Variants in LOC122539214 observed in about 807,000 individuals in gnomAD.
the LOC122539214 span, among the ~76,000 whole-genome samples, chr19:52,673,115 A>C: frequency 1.3e-5 from 2 of 152,206 alleles, no homozygotes; most frequent in Non-Finnish European, 2.9e-5. Context: ...AGACTGAGGC[A>C]TGAGAATCAC....
At chr19:52,655,734 AC>A in the LOC122539214 span, 11 of 773,300 alleles carry the variant, frequency 1.4e-5, no homozygotes, top group Admixed American at 2.3e-4. Context: ...AGGAGTCATT[AC>A]CTTCACACAA....
At chr19:52,684,372 TAATAA>T in the LOC122539214 span, among the ~76,000 whole-genome samples, 23 of 151,108 alleles carry the variant, frequency 1.5e-4, no homozygotes, top group Middle Eastern at 3.4e-3. Flanking sequence ...AAATAAAATA[TAATAA>T]AATAAAAATA....
chr19:52,689,397 C>T, the LOC122539214 span, among the ~76,000 whole-genome samples: 1,006 of 152,158 alleles, frequency 6.6e-3, 2 homozygotes, highest in African/African-American at 0.014. Context: ...ACCCTCATCC[C>T]CACTCTCTAG....
chr19:52,654,575 G>A, the LOC122539214 span, among the ~76,000 whole-genome samples: 2 of 152,122 alleles, frequency 1.3e-5, no homozygotes, highest in Non-Finnish European at 2.9e-5. Context: ...AAATTAGCCA[G>A]GCATGGTGGT....
the LOC122539214 span, among the ~76,000 whole-genome samples, chr19:52,669,001 C>A: frequency 1.3e-5 from 2 of 152,158 alleles, no homozygotes; most frequent in African/African-American, 2.4e-5. Flanking sequence ...AGGGAGGAAA[C>A]TTAACATTCC....
At chr19:52,689,244 A>C in the LOC122539214 span, among the ~76,000 whole-genome samples, 1 of 152,196 alleles carries the variant, frequency 6.6e-6, no homozygotes, top group Non-Finnish European at 1.5e-5. Flanking sequence ...CCACTGAGCC[A>C]GTGCGTACCT....
the LOC122539214 span, among the ~76,000 whole-genome samples, chr19:52,666,102 T>C: frequency 6.8e-6 from 1 of 147,664 alleles, no homozygotes; most frequent in Non-Finnish European, 1.5e-5. Context: ...AGGCGGAGCT[T>C]GCAGTGAGCC....
chr19:52,687,488 TAATTTATATAG>T, the LOC122539214 span, among the ~76,000 whole-genome samples: 1 of 61,128 alleles, frequency 1.6e-5, no homozygotes, highest in East Asian at 3.5e-4. Flanking sequence ...ATATAAATTA[TAATTTATATAG>T]ATATATAAAT....
the LOC122539214 span, among the ~76,000 whole-genome samples, chr19:52,681,694 ACC>A: frequency 6.6e-6 from 1 of 152,196 alleles, no homozygotes; most frequent in African/African-American, 2.4e-5. Flanking sequence ...TTTGAATATA[ACC>A]ACCTAAGTAA....
chr19:52,661,198 T>C, the LOC122539214 span, among the ~76,000 whole-genome samples: 2 of 152,112 alleles, frequency 1.3e-5, no homozygotes, highest in Non-Finnish European at 2.9e-5. Context: ...ATTCCTTTCC[T>C]GTGACAAAAC....
the LOC122539214 span, among the ~76,000 whole-genome samples, chr19:52,685,045 G>A: frequency 1.6e-4 from 24 of 152,282 alleles, no homozygotes; most frequent in Non-Finnish European, 2.5e-4. Flanking sequence ...TGAGTCTACC[G>A]CTCTGTTTCT....
the LOC122539214 span, among the ~76,000 whole-genome samples, chr19:52,673,534 A>G: frequency 2.5e-3 from 388 of 152,256 alleles, 3 homozygotes; most frequent in Non-Finnish European, 4.0e-3. Flanking sequence ...TGCTATAAAC[A>G]GAACATCAGA....
chr19:52,663,256 C>T, the LOC122539214 span, among the ~76,000 whole-genome samples: 2 of 152,126 alleles, frequency 1.3e-5, no homozygotes, highest in Non-Finnish European at 2.9e-5. Context: ...GGCATGAATC[C>T]TAAACATGCA....
the LOC122539214 span, among the ~76,000 whole-genome samples, chr19:52,666,783 T>C: frequency 6.6e-6 from 1 of 152,158 alleles, no homozygotes; most frequent in Non-Finnish European, 1.5e-5. Context: ...TTATTTACCA[T>C]GCAAAGGTCT....
the LOC122539214 span, among the ~76,000 whole-genome samples, chr19:52,674,705 C>T: frequency 5.9e-4 from 90 of 152,136 alleles, no homozygotes; most frequent in African/African-American, 2.1e-3. Flanking sequence ...TAGGAATAAA[C>T]GTAAAAATGC....
At chr19:52,676,116 A>G in the LOC122539214 span, among the ~76,000 whole-genome samples, 2 of 152,068 alleles carry the variant, frequency 1.3e-5, no homozygotes, top group African/African-American at 4.8e-5. Context: ...GAGTGCCTGC[A>G]ATTGCAGGCG....
chr19:52,663,572 T>C, the LOC122539214 span, among the ~76,000 whole-genome samples: 1 of 152,232 alleles, frequency 6.6e-6, no homozygotes, highest in Non-Finnish European at 1.5e-5. Flanking sequence ...CTACTTGAAC[T>C]AAATTTTGAT....
the LOC122539214 span, among the ~76,000 whole-genome samples, chr19:52,661,366 C>A: frequency 6.6e-6 from 1 of 152,196 alleles, no homozygotes; most frequent in African/African-American, 2.4e-5. Flanking sequence ...CACACACACG[C>A]TGAAGCAGGG....
the LOC122539214 span, among the ~76,000 whole-genome samples, chr19:52,656,645 A>T: frequency 6.6e-6 from 1 of 152,250 alleles, no homozygotes; most frequent in South Asian, 2.1e-4. Flanking sequence ...AGGCATGTGG[A>T]TCACAAAGTC....
Sources: gnomAD v4.1 joint callset for allele counts (sites outside exome capture counted in the v4.1 genomes callset) on GRCh38, gnomAD v4.1.1 for gene constraint, MANE v1.5 for transcripts.